The following WNT5A variants were observed in gnomAD, a reference collection of about 807,000 sequenced individuals.
WNT5A encodes the protein protein Wnt-5a.
WNT5A carries 9 observed loss-of-function variants against 42.1 expected under a neutral mutation model. The observed-to-expected ratio is 0.21, with a 90% CI of 0.13 to 0.37. The LOEUF is 0.37. WNT5A is among the 10% of genes least tolerant of loss of function. The pLI is 1.00. For synonymous variants in WNT5A, 210 were observed against 210.0 expected (o/e 1.00, Z 0.00); for missense variants, 426 against 534.0 (o/e 0.80, Z 1.99).
the WNT5A span, among the ~76,000 whole-genome samples, chr3:55,500,476 G>A: frequency 6.6e-6 from 1 of 152,188 alleles, no homozygotes; most frequent in South Asian, 2.1e-4. Context: ...AATACGTGCA[G>A]TTACTATTAC....
At chr3:55,501,226 C>T in the WNT5A span, among the ~76,000 whole-genome samples, 2 of 152,200 alleles carry the variant, frequency 1.3e-5, no homozygotes, top group African/African-American at 4.8e-5. Context: ...ATGCCCTCCT[C>T]CTTAAATGAC....
At chr3:55,478,082 G>C (rs372861008) in intron 3 of WNT5A, among the ~76,000 whole-genome samples, 25 of 152,154 alleles carry the variant, frequency 1.6e-4, no homozygotes, top group African/African-American at 4.8e-4. Context: ...TGTTCCTGAA[G>C]CTTAACTCTT....
In WNT5A at chr3:55,480,876, C is replaced by T; in HGVS notation, c.49G>A (p.Ala17Thr). ...ILSPGVALGM[A>T]GSAMSSKFFL... ...AACTTGGAAGACATTGCACTTCCAG[C>T]CATCCCCAAAGCAACTCCTGGGCTT... The change falls in exon 2 of 5, where the codon GCT becomes ACT. Residue 17 changes from alanine to threonine, a missense_variant. Physicochemically the swap from Ala to Thr is moderately conservative, Grantham distance 58 (BLOSUM62 0). Transcript: ENST00000264634. The T allele has an allele frequency of 6.3e-7, 1 of 1,588,824 alleles. No individual in the cohort carries two copies. Among genetic ancestry groups the T allele is most frequent in the Non-Finnish European group, 8.6e-7 (1 of 1,166,172 alleles).
chr3:55,498,427 T>C, the WNT5A span, among the ~76,000 whole-genome samples: 1 of 151,988 alleles, frequency 6.6e-6, no homozygotes, highest in Non-Finnish European at 1.5e-5. Flanking sequence ...GCCTGTACAA[T>C]AAGGATGATG....
In WNT5A at chr3:55,487,227, C is replaced by G. The variant is rs991624898; in HGVS notation, c.-242G>C. The G allele has an allele frequency of 2.3e-5, 11 of 485,316 alleles. No homozygotes were observed. The highest frequency in any genetic ancestry group is 3.6e-5 in the South Asian group (1 of 27,606). The allele number at this position is 485,316 out of a possible 1,614,324, so 30.1% of individuals were successfully genotyped here. On this transcript the variant is annotated 5_prime_UTR_variant, in exon 1 of 5. Coordinates refer to ENST00000264634, the MANE Select transcript of WNT5A (RefSeq NM_003392.7). ...GGAATGGAGGGGGCGCGGACGCGCG[C>G]GAGCCGGCAGCAAGGGCAGGGCCTG...
intron 4 of WNT5A, among the ~76,000 whole-genome samples, chr3:55,471,176 G>A (rs997788805): frequency 1.1e-4 from 16 of 152,170 alleles, no homozygotes; most frequent in African/African-American, 3.1e-4. Flanking sequence ...CACTATAAGT[G>A]TCCTTACACT....
intron 4 of WNT5A, among the ~76,000 whole-genome samples, 193 bp from the exon 5 acceptor site, chr3:55,470,743 T>A (rs1305632302): frequency 6.6e-6 from 1 of 152,230 alleles, no homozygotes; most frequent in Admixed American, 6.5e-5. Flanking sequence ...AATATGTTCT[T>A]AACCACTCAT....
the WNT5A span, among the ~76,000 whole-genome samples, chr3:55,504,557 C>T: frequency 9.2e-5 from 14 of 151,996 alleles, no homozygotes; most frequent in African/African-American, 2.9e-4. Context: ...TCTGCCCTCC[C>T]GGGTTCAAGC....
the WNT5A span, among the ~76,000 whole-genome samples, chr3:55,500,076 G>A: frequency 6.6e-6 from 1 of 152,012 alleles, no homozygotes; most frequent in Non-Finnish European, 1.5e-5. Flanking sequence ...TAAGCCTCCT[G>A]TGTACCAGGC....
At chr3:55,500,994 C>A in the WNT5A span, among the ~76,000 whole-genome samples, 1 of 152,166 alleles carries the variant, frequency 6.6e-6, no homozygotes, top group Non-Finnish European at 1.5e-5. Context: ...CAAACATGAC[C>A]CCATTAATCC....
chr3:55,503,947 CCAAA>C, the WNT5A span, among the ~76,000 whole-genome samples: 196 of 151,920 alleles, frequency 1.3e-3, no homozygotes, highest in African/African-American at 4.1e-3. Flanking sequence ...AGACTCTGTC[CCAAA>C]CAAACAAACG....
upstream of WNT5A, chr3:55,487,694 C>G (rs142605431): frequency 1.3e-5 from 2 of 152,418 alleles, no homozygotes; most frequent in African/African-American, 4.8e-5. Flanking sequence ...CACACCCCCG[C>G]TGCAGCTTTG....
chr3:55,472,328 G>A (rs2051267449), intron 4 of WNT5A, among the ~76,000 whole-genome samples: 1 of 152,212 alleles, frequency 6.6e-6, no homozygotes, highest in Non-Finnish European at 1.5e-5. Flanking sequence ...CTGGACATGA[G>A]AGAAGGCTAA....
At chr3:55,484,597 G>T (rs1407846863) in intron 1 of WNT5A, among the ~76,000 whole-genome samples, 2 of 152,000 alleles carry the variant, frequency 1.3e-5, no homozygotes, top group Non-Finnish European at 2.9e-5. Context: ...GTATAGAGAG[G>T]CCCCAGGGGA....
At chr3:55,485,357 CGCACGGGGGA>C (rs2051557630) in intron 1 of WNT5A, among the ~76,000 whole-genome samples, 1 of 151,784 alleles carries the variant, frequency 6.6e-6, no homozygotes, top group African/African-American at 2.4e-5. Flanking sequence ...AGCACCGGAG[CGCACGGGGGA>C]GGGGAGGAGA....
chr3:55,477,462 C>T (rs1006372253), intron 3 of WNT5A, among the ~76,000 whole-genome samples: 6 of 152,090 alleles, frequency 3.9e-5, no homozygotes, highest in African/African-American at 1.4e-4. Flanking sequence ...CCCAGGACAT[C>T]AGCTGACTTG....
chr3:55,486,552 G>T (rs898188413), intron 1 of WNT5A, among the ~76,000 whole-genome samples: 3 of 152,188 alleles, frequency 2.0e-5, no homozygotes, highest in Non-Finnish European at 2.9e-5. Flanking sequence ...TCCCCATCCC[G>T]AGCCCCGGCC....
At chr3:55,501,735 C>A in the WNT5A span, 1 of 152,190 alleles carries the variant, frequency 6.6e-6, no homozygotes. Flanking sequence ...CAAGAGAAAT[C>A]TATTCTTTGA....
chr3:55,476,510 G>A (rs2051360831), intron 3 of WNT5A, among the ~76,000 whole-genome samples: 1 of 152,166 alleles, frequency 6.6e-6, no homozygotes, highest in Non-Finnish European at 1.5e-5. Context: ...AGGAAGAGGA[G>A]ATGAAGAGGA....
Sources: allele counts gnomAD v4.1 joint callset (sites outside exome capture counted in the v4.1 genomes callset), GRCh38; gene constraint gnomAD v4.1.1; transcripts MANE v1.5; gene names NCBI Gene and HGNC (gene_info 2026-07-23, HGNC 2026-07-21).